STRIP1: variants seen among roughly 807,000 people sequenced by gnomAD.
STRIP1 encodes striatin-interacting protein 1.
In STRIP1, 63 loss-of-function variants were observed where a neutral mutation model predicts 106.2. The ratio of observed to expected loss-of-function variants is 0.59; its 90% CI spans 0.48 to 0.73. STRIP1 has a LOEUF of 0.73. Among genes scored for constraint, STRIP1 ranks in the 30% least tolerant of loss-of-function variants. STRIP1 has a pLI of 0.00. For missense variants in STRIP1, 857 were observed against 1,074.8 expected, an observed-to-expected ratio of 0.80 and a Z score of 2.83; for synonymous variants, 390 against 413.0, an observed-to-expected ratio of 0.94 and a Z score of 0.67.
intron 5 of STRIP1, chr1:110,039,782 A>G: frequency 7.5e-7 from 1 of 1,341,344 alleles, no homozygotes; most frequent in East Asian, 3.8e-5. Context: ...GGTGCTCCTC[A>G]GAAGGAGACT....
At chr1:110,033,878 T>C (rs1259736835), upstream of STRIP1, among the ~76,000 whole-genome samples, 1 of 152,258 alleles carries the variant, frequency 6.6e-6, no homozygotes, top group African/African-American at 2.4e-5. Flanking sequence ...TCCTTGATGT[T>C]TCTCTTAGTA....
chr1:110,035,345 T>G (rs1652398789), intron 1 of STRIP1, among the ~76,000 whole-genome samples: 1 of 151,648 alleles, frequency 6.6e-6, no homozygotes, highest in East Asian at 1.9e-4. Context: ...GAGAGTAGAG[T>G]AGGAGGGGGA....
chr1:110,035,038 C>G (rs1358373851), intron 1 of STRIP1, among the ~76,000 whole-genome samples: 5 of 152,186 alleles, frequency 3.3e-5, no homozygotes, highest in Non-Finnish European at 5.9e-5. Flanking sequence ...GAGAGCTTCC[C>G]GTGGCCGGCG....
In STRIP1 at chr1:110,053,646, T is replaced by A. The variant is rs750872429; in HGVS notation, c.2267-19T>A. ...ACAGGGCATGGCTCCTAACGGTGTT[T>A]CTTCCTGCTTTGTCTCAGATCTTGA... On this transcript the variant is annotated intron_variant, in intron 20 of 20. Coordinates refer to ENST00000369795, the MANE Select transcript of STRIP1 (RefSeq NM_033088.4). 1.9e-6 allele frequency: 3 copies of A among 1,613,280 alleles called. No homozygotes were observed. Among genetic ancestry groups the A allele is most frequent in the Non-Finnish European group, 8.5e-7 (1 of 1,179,350 alleles).
At position 110,045,190 on chromosome 1, in the gene STRIP1, T is replaced by A. The variant is rs951602417; in HGVS notation, c.1416+112T>A. 1.4e-5 allele frequency: 13 copies of A among 935,786 alleles called. No individual in the cohort carries two copies. In the African/African-American group the frequency reaches 2.1e-4, roughly 15 times the overall value. The allele number at this position is 935,786 out of a possible 1,614,324, so 58.0% of individuals were successfully genotyped here. On this transcript the variant is annotated intron_variant, in intron 12 of 20. Transcript: ENST00000369795. ...GTTGTCTGCCTGCAAGAACCTGGGG[T>A]AGAGGCCGGGGTGGACTTTGCAATA...
intron 10 of STRIP1, 23 bp downstream of exon 10, chr1:110,043,879 A>T (rs1652894568): frequency 6.2e-7 from 1 of 1,604,966 alleles, no homozygotes; most frequent in African/African-American, 1.3e-5. Flanking sequence ...CCTCCAGAGC[A>T]CTCATAGTTC....
chr1:110,044,780 C>T (rs1482708938), intron 10 of STRIP1, 60 bp from the exon 11 acceptor site: 38 of 1,543,248 alleles, frequency 2.5e-5, no homozygotes, highest in Non-Finnish European at 3.4e-5. Flanking sequence ...AACTGTAACA[C>T]TTTGAAATAG....
intron 20 of STRIP1, among the ~76,000 whole-genome samples, chr1:110,052,249 G>C (rs2101787381): frequency 6.6e-6 from 1 of 152,218 alleles, no homozygotes; most frequent in South Asian, 2.1e-4. Context: ...CAGTGTCTCA[G>C]ATTTCCCTAG....
At chr1:110,033,563 G>A (rs756059673), upstream of STRIP1, among the ~76,000 whole-genome samples, 7 of 152,342 alleles carry the variant, frequency 4.6e-5, no homozygotes, top group Admixed American at 2.0e-4. Context: ...ATGGTAGAGA[G>A]CCTCTCACGG....
chr1:110,053,559 GAGGTATCCTGCTCTT>G, intron 20 of STRIP1, 91 bp from the exon 21 acceptor site: 1 of 1,473,240 alleles, frequency 6.8e-7, no homozygotes, highest in Non-Finnish European at 9.2e-7. Flanking sequence ...GATGAGCTCG[GAGGTATCCTGCTCTT>G]AGTTGACACT....
At chr1:110,047,435 A>G in intron 13 of STRIP1, 107 bp from the exon 14 acceptor site, 1 of 801,188 alleles carries the variant, frequency 1.2e-6, no homozygotes, top group East Asian at 2.7e-5. Flanking sequence ...CATTAACATC[A>G]TTATGTACAT....
rs1653230818 is a variant in STRIP1 at position 110,050,289 on chromosome 1, C to T, written c.1890-54C>T. 6 of 1,581,552 alleles carry T rather than the reference C, an allele frequency of 3.8e-6. No homozygotes were observed. The East Asian group carries it at 6.7e-5, about 18-fold the overall frequency. ...AGCTGGCTCAGGCACGGCTGCTCCA[C>T]CAGGCCCTGGGCCTTTGCTCATGGT... On this transcript the variant is annotated intron_variant, in intron 17 of 20. Transcript: ENST00000369795.
chr1:110,040,785 G>A, intron 6 of STRIP1, 82 bp downstream of exon 6: 1 of 1,200,780 alleles, frequency 8.3e-7, no homozygotes, highest in Non-Finnish European at 1.2e-6. Flanking sequence ...GTCTGTGGGT[G>A]TCATTGCTGT....
Position 110,039,614 on chromosome 1 carries a change from C to G in STRIP1, c.581+99C>G, listed in dbSNP as rs1256221988. 2.2e-6 allele frequency: 3 copies of G among 1,392,698 alleles called. No homozygotes were observed. The East Asian group carries it at 7.5e-5, about 35-fold the overall frequency. 86.3% of individuals were successfully genotyped at this position (1,392,698 alleles called of 1,614,324 possible). A position where few individuals can be genotyped will look rare whatever the true frequency, so the allele number is the denominator to read the frequency against. ...CTGGCTTTGAGAGGGTTAAATGGGG[C>G]AGAAGTTCTGGTCCCAGGCTGTGTT... On this transcript the variant is annotated intron_variant, in intron 5 of 20. Coordinates refer to ENST00000369795, the MANE Select transcript of STRIP1 (RefSeq NM_033088.4).
chr1:110,037,673 G>C (rs562266399), intron 1 of STRIP1, among the ~76,000 whole-genome samples: 2 of 152,294 alleles, frequency 1.3e-5, no homozygotes, highest in African/African-American at 4.8e-5. Flanking sequence ...CAGTCTTGTG[G>C]AAAGGCAGAC....
Position 110,053,774 on chromosome 1 carries a change from C to G in STRIP1, c.2376C>G (p.Phe792Leu), listed in dbSNP as rs1159955584. ...ACCGGGCCCACAGCAACCCTGACTT[C>G]CTGCCAGTGGACAACTGCCTGCAGA... is the stretch of plus-strand genomic sequence containing the variant. ...RYDRAHSNPD[F>L]LPVDNCLQSV... The change falls in exon 21 of 21, where the codon TTC (phenylalanine) becomes TTG (leucine). Residue 792 changes from phenylalanine to leucine, a missense_variant. Physicochemically the swap from Phe to Leu is conservative, Grantham distance 22. Coordinates refer to ENST00000369795, the MANE Select transcript of STRIP1 (RefSeq NM_033088.4). The G allele has an allele frequency of 6.2e-7, 1 of 1,614,198 alleles. No homozygotes were observed. The highest frequency in any genetic ancestry group is 8.5e-7 in the Non-Finnish European group (1 of 1,180,038).
chr1:110,049,367 C>T lies in STRIP1; in HGVS notation c.1789-93C>T, dbSNP rs1385868076. On this transcript the variant is annotated intron_variant, in intron 16 of 20. Transcript: ENST00000369795. Reference sequence around the variant, plus strand: ...TCTGCATGAATGTTCTAAGACATGGCCCTTCAGCCAAGGCCTTTCATCCCT... The same window carrying T: ...TCTGCATGAATGTTCTAAGACATGGTCCTTCAGCCAAGGCCTTTCATCCCT... The T allele has an allele frequency of 1.6e-5, 25 of 1,550,680 alleles. No homozygotes were observed. In the East Asian group the frequency reaches 5.4e-4, roughly 33 times the overall value.
At chr1:110,038,585 T>C in intron 2 of STRIP1, 98 bp from the exon 3 acceptor site, 1 of 906,816 alleles carries the variant, frequency 1.1e-6, no homozygotes, top group Non-Finnish European at 1.8e-6. Flanking sequence ...AGGGGCAGAG[T>C]TGAGAGTGGA....
chr1:110,032,416 G>A (rs1437760407), upstream of STRIP1, among the ~76,000 whole-genome samples: 1 of 152,196 alleles, frequency 6.6e-6, no homozygotes, highest in Non-Finnish European at 1.5e-5. Flanking sequence ...AGCCTGGGGT[G>A]TAAAGCAGGC....
Sources: gnomAD v4.1 joint callset for allele counts (sites outside exome capture counted in the v4.1 genomes callset) on GRCh38, gnomAD v4.1.1 for gene constraint, MANE v1.5 for transcripts, NCBI Gene and HGNC (gene_info 2026-07-23, HGNC 2026-07-21) for gene names.